SLMAP: variants seen among roughly 807,000 people sequenced by gnomAD.
SLMAP encodes sarcolemmal membrane-associated protein.
In SLMAP, 44 loss-of-function variants were observed where a neutral mutation model predicts 128.8. The observed-to-expected ratio is 0.34, with a 90% CI of 0.27 to 0.44. The LOEUF is 0.44. Ranked by LOEUF, SLMAP falls within the 20% of genes least tolerant of loss-of-function variation. The pLI is 1.00. For missense variants in SLMAP, 787 were observed against 985.3 expected (o/e 0.80, Z 2.69); for synonymous variants, 327 against 348.8 (o/e 0.94, Z 0.70).
At chr3:57,794,403 A>T (rs988612291) in intron 2 of SLMAP, among the ~76,000 whole-genome samples, 1 of 152,204 alleles carries the variant, frequency 6.6e-6, no homozygotes, top group African/African-American at 2.4e-5. Context: ...ACTTATAAGC[A>T]CTTCGTTTCA....
intron 2 of SLMAP, among the ~76,000 whole-genome samples, chr3:57,764,198 A>C (rs936276642): frequency 6.6e-6 from 1 of 152,106 alleles, no homozygotes; most frequent in African/African-American, 2.4e-5. Context: ...TGACATACCA[A>C]ACCCCTGTTT....
chr3:57,922,690 G>C (rs1356038938), intron 22 of SLMAP, among the ~76,000 whole-genome samples, 199 bp from the exon 23 acceptor site: 1 of 152,158 alleles, frequency 6.6e-6, no homozygotes, highest in Non-Finnish European at 1.5e-5. Flanking sequence ...GCCTCCCAAA[G>C]TGCTGGGATT....
chr3:57,909,462 A>G (rs1009789792), intron 19 of SLMAP, among the ~76,000 whole-genome samples: 29 of 149,424 alleles, frequency 1.9e-4, no homozygotes, highest in Admixed American at 6.0e-4. Context: ...GGATTGCACC[A>G]CTGCACTCCA....
chr3:57,813,334 G>T (rs370123958), intron 2 of SLMAP, among the ~76,000 whole-genome samples: 1 of 152,126 alleles, frequency 6.6e-6, no homozygotes, highest in East Asian at 1.9e-4. Context: ...GGACTCAAGA[G>T]ATCCTCCCGC....
chr3:57,809,962 C>T (rs1218721828), intron 2 of SLMAP, among the ~76,000 whole-genome samples: 1 of 152,194 alleles, frequency 6.6e-6, no homozygotes, highest in Non-Finnish European at 1.5e-5. Flanking sequence ...GTAACACAAA[C>T]AGGGCTGAAA....
intron 2 of SLMAP, among the ~76,000 whole-genome samples, chr3:57,765,065 AG>A (rs2079410667): frequency 6.6e-6 from 1 of 152,222 alleles, no homozygotes; most frequent in Non-Finnish European, 1.5e-5. Context: ...AAAAAGAGGA[AG>A]AATGGCCAGG....
At chr3:57,786,504 C>A (rs1576462776) in intron 2 of SLMAP, among the ~76,000 whole-genome samples, 1 of 150,314 alleles carries the variant, frequency 6.7e-6, no homozygotes, top group East Asian at 2.0e-4. Context: ...GTAATACATT[C>A]TACTACACTC....
At chr3:57,777,113 G>C (rs563053434) in intron 2 of SLMAP, among the ~76,000 whole-genome samples, 1 of 124,402 alleles carries the variant, frequency 8.0e-6, no homozygotes. Context: ...TTGGGGGGAG[G>C]GGGGAGGGAT....
At chr3:57,794,443 C>A (rs2086240886) in intron 2 of SLMAP, among the ~76,000 whole-genome samples, 1 of 152,208 alleles carries the variant, frequency 6.6e-6, no homozygotes, top group South Asian at 2.1e-4. Flanking sequence ...AATTTCTCAA[C>A]CATTTTAGTT....
Position 57,841,331 on chromosome 3 carries a change from CTT to C in SLMAP, c.383_384del (p.Phe128SerfsTer23). 6.2e-7 allele frequency: 1 copy of C among 1,609,384 alleles called. No individual in the cohort carries two copies. The highest frequency in any genetic ancestry group is 8.5e-7 in the Non-Finnish European group (1 of 1,177,130). On this transcript the variant is annotated frameshift_variant, in exon 4 of 25. Transcript: ENST00000671191. LOFTEE classifies it high-confidence loss of function. The stretch of plus-strand genomic sequence containing the variant: ...TGGGTGTATTGTTTCCACAATAAAA[CTT>C]TTTCTACCAGATGGTATGGAAGCCC... ...THGCIVSTIKLFLPDGMEARL... is the reference protein window; with the variant it reads ...THGCIVSTIKXFLPDGMEARL...
chr3:57,886,927 G>A (rs1299779449), intron 14 of SLMAP, among the ~76,000 whole-genome samples: 2 of 152,134 alleles, frequency 1.3e-5, no homozygotes, highest in East Asian at 3.9e-4. Context: ...GACCGGTGAG[G>A]TGGAGGTGGG....
intron 3 of SLMAP, among the ~76,000 whole-genome samples, chr3:57,837,335 A>G (rs1361043657): frequency 6.6e-6 from 1 of 152,054 alleles, no homozygotes; most frequent in Non-Finnish European, 1.5e-5. Flanking sequence ...TAAATTTGAG[A>G]ATGTCCCATT....
intron 6 of SLMAP, among the ~76,000 whole-genome samples, chr3:57,855,182 A>G (rs2094710060): frequency 6.6e-6 from 1 of 152,096 alleles, no homozygotes; most frequent in Non-Finnish European, 1.5e-5. Context: ...GTTCGAGACC[A>G]GCCTGATCAA....
At chr3:57,892,708 G>A (rs1162643712) in intron 15 of SLMAP, among the ~76,000 whole-genome samples, 1 of 151,916 alleles carries the variant, frequency 6.6e-6, no homozygotes, top group African/African-American at 2.4e-5. Context: ...ATTTTGGGAG[G>A]CCAAGATAAG....
At chr3:57,806,038 T>G (rs1354847113) in intron 2 of SLMAP, among the ~76,000 whole-genome samples, 4 of 151,680 alleles carry the variant, frequency 2.6e-5, no homozygotes, top group Non-Finnish European at 1.5e-5. Flanking sequence ...TTGTTTGTTT[T>G]GTTTTTTTTT....
Position 57,811,875 on chromosome 3 carries a change from T to C in SLMAP, c.199-19508T>C, listed in dbSNP as rs144494197. ...GCTTATTGGCCATCATATATCTTCT[T>C]TGGACAAATGTCTATTCCAATCCTT... On this transcript the variant is annotated intron_variant, in intron 2 of 24. Transcript: ENST00000671191. Among the ~76,000 whole-genome samples, 14 of 152,350 alleles carry C rather than the reference T, an allele frequency of 9.2e-5. No homozygotes were observed. The East Asian group carries it at 2.7e-3, about 29-fold the overall frequency.
chr3:57,817,271 C>T (rs2091970843), intron 2 of SLMAP, among the ~76,000 whole-genome samples: 2 of 152,150 alleles, frequency 1.3e-5, no homozygotes, highest in Admixed American at 6.5e-5. Flanking sequence ...ATTGGTGACA[C>T]ATTAGATGCC....
At chr3:57,827,066 A>G (rs2092977589) in intron 2 of SLMAP, among the ~76,000 whole-genome samples, 1 of 152,224 alleles carries the variant, frequency 6.6e-6, no homozygotes, top group Admixed American at 6.5e-5. Flanking sequence ...TTGTTGCAGT[A>G]TCTGCTATCT....
chr3:57,863,582 T>C (rs73088386), intron 10 of SLMAP, among the ~76,000 whole-genome samples: 17,669 of 152,260 alleles, frequency 0.12, 1,125 homozygotes, highest in South Asian at 0.16. Context: ...AAAGTGGAGC[T>C]GGTACGTGTT....
Sources: allele counts gnomAD v4.1 joint callset (sites outside exome capture counted in the v4.1 genomes callset), GRCh38; gene constraint gnomAD v4.1.1; transcripts MANE v1.5; gene names NCBI Gene and HGNC (gene_info 2026-07-23, HGNC 2026-07-21).